The following ART1 variants were observed in gnomAD, a reference collection of about 807,000 sequenced individuals.
The protein encoded by ART1 is GPI-linked NAD(P)(+)--arginine ADP-ribosyltransferase 1.
In ART1, 29 loss-of-function variants were observed where a neutral mutation model predicts 27.0. The observed-to-expected ratio is 1.08, with a 90% confidence interval of 0.80 to 1.47. The LOEUF (loss-of-function observed/expected upper bound fraction) is 1.47. Ranked by LOEUF, ART1 falls within the 40% of genes most tolerant of loss-of-function variation. The pLI is 0.00. For missense variants in ART1, 480 were observed against 423.0 expected, an observed-to-expected ratio of 1.13 and a Z score of -1.18; for synonymous variants, 201 against 172.2, an observed-to-expected ratio of 1.17 and a Z score of -1.31.
intron 1 of ART1, among the ~76,000 whole-genome samples, chr11:3,648,646 A>C (rs2077489045): frequency 6.6e-6 from 1 of 152,200 alleles, no homozygotes; most frequent in African/African-American, 2.4e-5. Flanking sequence ...CGGACTGGGA[A>C]GGCAGCCTTC....
intron 1 of ART1, among the ~76,000 whole-genome samples, chr11:3,655,162 G>C (rs118175506): frequency 0.012 from 1,809 of 152,298 alleles, 10 homozygotes; most frequent in Non-Finnish European, 0.019. Context: ...GCTCAGGTCT[G>C]TTCCTCACGT....
chr11:3,664,243 T>C lies in ART1; in HGVS notation c.*54T>C, dbSNP rs1487861773. ...CTGCCTCTGCCCATCCTGAGGATGT[T>C]GGCCATGTGTGCTTTCAGTGTAACC... On this transcript the variant is annotated 3_prime_UTR_variant, in exon 5 of 5. Transcript: ENST00000250693. 4 of 1,535,848 alleles carry C rather than the reference T, an allele frequency of 2.6e-6. No individual in the cohort carries two copies. The Admixed American group carries it at 5.0e-5, about 19-fold the overall frequency.
intron 1 of ART1, among the ~76,000 whole-genome samples, chr11:3,646,819 G>A (rs989108730): frequency 2.6e-5 from 4 of 152,016 alleles, no homozygotes; most frequent in South Asian, 2.1e-4. Flanking sequence ...CTCCAAACCC[G>A]ATCATTCATT....
chr11:3,664,376 G>A lies in ART1; in HGVS notation c.*187G>A, dbSNP rs990943446. 1.1e-4 allele frequency: 63 copies of A among 594,166 alleles called. No individual in the cohort carries two copies. The highest frequency in any genetic ancestry group is 1.7e-4 in the Non-Finnish European group (58 of 337,240). The allele number at this position is 594,166 out of a possible 1,614,324, so 36.8% of individuals were successfully genotyped here. A position where few individuals can be genotyped will look rare whatever the true frequency, so the allele number is the denominator to read the frequency against. ...CAATCTGGGGACTGAACCTTACCCA[G>A]GGCTGTAGGAGTGAGACTCTGAATA... On this transcript the variant is annotated 3_prime_UTR_variant, in exon 5 of 5. Transcript: ENST00000250693.
At chr11:3,663,133 TCTCATCTC>T (rs1336884007) in intron 4 of ART1, among the ~76,000 whole-genome samples, 5 of 145,756 alleles carry the variant, frequency 3.4e-5, no homozygotes, top group African/African-American at 1.3e-4. Context: ...TCTCATCTCA[TCTCATCTC>T]ATCATCATCT....
At position 3,661,419 on chromosome 11, in the gene ART1, G is replaced by C. The variant is rs1589925850; in HGVS notation, c.886+6G>C. ...TTGCCATCTGGATAATTCAGGTAAGGGCTGCAGGCACCTGTGGGACTCAGT... is the reference window on the plus strand; with the variant it reads ...TTGCCATCTGGATAATTCAGGTAAGCGCTGCAGGCACCTGTGGGACTCAGT... On this transcript the variant is annotated splice_donor_region_variant and intron_variant, in intron 4 of 4. Coordinates refer to ENST00000250693, the MANE Select transcript of ART1 (RefSeq NM_004314.3). 1 of 1,611,700 alleles carries C rather than the reference G, an allele frequency of 6.2e-7. No homozygotes were observed. The highest frequency in any genetic ancestry group is 8.5e-7 in the Non-Finnish European group (1 of 1,179,420).
chr11:3,661,053 TG>T (rs1005407744), intron 3 of ART1, among the ~76,000 whole-genome samples: 3 of 152,126 alleles, frequency 2.0e-5, no homozygotes, highest in Non-Finnish European at 4.4e-5. Flanking sequence ...AAGGAGGGCA[TG>T]CAAAGAAAAC....
chr11:3,659,016 C>A, intron 1 of ART1, 146 bp from the exon 2 acceptor site: 1 of 587,542 alleles, frequency 1.7e-6, no homozygotes, highest in Non-Finnish European at 3.0e-6. Context: ...GGAAGTCACT[C>A]ATGTTCCTTT....
At chr11:3,658,589 G>C (rs1222667521) in intron 1 of ART1, among the ~76,000 whole-genome samples, 1 of 152,098 alleles carries the variant, frequency 6.6e-6, no homozygotes, top group African/African-American at 2.4e-5. Context: ...AGCACCGAAG[G>C]CTCATTCCAC....
intron 1 of ART1, among the ~76,000 whole-genome samples, chr11:3,651,449 A>ACAC (rs2077521160): frequency 7.2e-6 from 1 of 139,520 alleles, no homozygotes; most frequent in Admixed American, 6.8e-5. Context: ...ATCCCTTCCA[A>ACAC]AACAACTCCT....
At chr11:3,653,569 C>G (rs1029116508) in intron 1 of ART1, among the ~76,000 whole-genome samples, 8 of 152,172 alleles carry the variant, frequency 5.3e-5, no homozygotes, top group Non-Finnish European at 8.8e-5. Flanking sequence ...CACCTGCACT[C>G]AGGTGATTAA....
At chr11:3,646,603 C>T (rs1275687411) in intron 1 of ART1, among the ~76,000 whole-genome samples, 4 of 152,148 alleles carry the variant, frequency 2.6e-5, no homozygotes, top group South Asian at 4.1e-4. Context: ...AGGAGGAGTG[C>T]GGCTCCACCT....
chr11:3,663,874 TTAA>T (rs1277545320), intron 4 of ART1: 2 of 525,638 alleles, frequency 3.8e-6, no homozygotes, highest in African/African-American at 1.9e-5. Context: ...GACACTGGTG[TTAA>T]TAAGTTCTGA....
intron 1 of ART1, among the ~76,000 whole-genome samples, chr11:3,656,395 AT>A (rs2077575254): frequency 7.4e-6 from 1 of 135,462 alleles, no homozygotes; most frequent in Admixed American, 7.3e-5. Flanking sequence ...TATTTTTTAA[AT>A]TTTTGAGACG....
rs774844448 is a variant in ART1, at chr11:3,660,085, C to G, written c.566C>G (p.Ala189Gly). ...RGVHGLRFRP[A>G]GPRATVRLGG... ...GTGCACGGCCTGCGCTTCCGGCCAG[C>G]AGGGCCCCGGGCCACCGTGAGGCTG... The change falls in exon 3 of 5, where the codon GCA (alanine) becomes GGA (glycine). Residue 189 changes from alanine to glycine, a missense_variant. Ala to Gly is a moderately conservative substitution (Grantham distance 60). Transcript: ENST00000250693. 3 of 1,613,544 alleles carry G rather than the reference C, an allele frequency of 1.9e-6. No homozygotes were observed. The highest frequency in any genetic ancestry group is 1.3e-5 in the African/African-American group (1 of 74,924).
intron 1 of ART1, among the ~76,000 whole-genome samples, chr11:3,646,346 C>A (rs1202357071): frequency 1.3e-5 from 2 of 151,968 alleles, no homozygotes; most frequent in African/African-American, 4.8e-5. Context: ...AGGATGGACC[C>A]CTATCTCACC....
Position 3,659,851 on chromosome 11 carries a change from G to A in ART1, c.332G>A (p.Arg111His), listed in dbSNP as rs758889205. The A allele has an allele frequency of 1.8e-5, 29 of 1,612,460 alleles. No homozygotes were observed. The highest frequency in any genetic ancestry group is 1.6e-4 in the East Asian group (7 of 44,866). The change falls in exon 3 of 5, where the codon CGC becomes CAC. Residue 111 changes from arginine to histidine, a missense_variant. Transcript: ENST00000250693. ...TRPSPPPLGF[R>H]DEHGVALLAY... The stretch of plus-strand genomic sequence containing the variant: ...CCATCCCCGCCACCCCTGGGCTTCC[G>A]CGATGAGCATGGGGTGGCCCTCCTG...
rs566663445 is a variant in ART1, at chr11:3,660,199, C to T, written c.680C>T (p.Ala227Val). Residue 227 changes from alanine to valine, a missense_variant, in exon 3 of 5, where the codon GCC (alanine) becomes GTC (valine). Physicochemically the swap from Ala to Val is moderately conservative, Grantham distance 64. Transcript: ENST00000250693. Reference sequence around the variant, plus strand: ...TTCGGCATCTGGACCTGCCTTGGGGCCCCTATCAAGGGCTACTCCTTCTTC... The same window carrying T: ...TTCGGCATCTGGACCTGCCTTGGGGTCCCTATCAAGGGCTACTCCTTCTTC... ...TFFGIWTCLG[A>V]PIKGYSFFPG... The T allele has an allele frequency of 1.2e-6, 2 of 1,614,040 alleles. No individual in the cohort carries two copies. Among genetic ancestry groups the T allele is most frequent in the South Asian group, 2.2e-5 (2 of 91,078 alleles).
At chr11:3,659,332 TCTGAACC>T (rs1208424100) in intron 2 of ART1, 56 bp downstream of exon 2, 1 of 1,609,594 alleles carries the variant, frequency 6.2e-7, no homozygotes, top group Non-Finnish European at 8.5e-7. Flanking sequence ...ATCGGCTTCT[TCTGAACC>T]CTGGAGGGAG....
Sources: allele counts gnomAD v4.1 joint callset (sites outside exome capture counted in the v4.1 genomes callset), GRCh38; gene constraint gnomAD v4.1.1; transcripts MANE v1.5; gene names NCBI Gene and HGNC (gene_info 2026-07-23, HGNC 2026-07-21).